NREP: variants seen among roughly 807,000 people sequenced by gnomAD.
NREP encodes neuronal regeneration-related protein.
Under a neutral mutation model 8.6 loss-of-function variants are expected in NREP, and 5 were observed. The ratio of observed to expected loss-of-function variants is 0.58; its 90% CI spans 0.30 to 1.22. The LOEUF (loss-of-function observed/expected upper bound fraction) is 1.22. Among genes scored for constraint, NREP ranks in the 50% most tolerant of loss-of-function variants. NREP has a pLI of 0.07. For synonymous variants in NREP, 27 were observed against 28.0 expected, an observed-to-expected ratio of 0.96 and a Z score of 0.11; for missense variants, 86 against 82.5, an observed-to-expected ratio of 1.04 and a Z score of -0.17.
chr5:111,974,834 C>T (rs1219535545), intron 2 of NREP, among the ~76,000 whole-genome samples: 2 of 152,308 alleles, frequency 1.3e-5, no homozygotes, highest in East Asian at 3.9e-4. Context: ...AACTGAGTAG[C>T]TACAATGTTT....
intron 2 of NREP, among the ~76,000 whole-genome samples, chr5:111,903,054 A>AT (rs1754685402): frequency 8.1e-6 from 1 of 123,920 alleles, no homozygotes; most frequent in Non-Finnish European, 1.8e-5. Context: ...TTTTAATTCT[A>AT]TTTTCCATGA....
intron 1 of NREP, 129 bp from the exon 2 acceptor site, chr5:111,755,959 G>A: frequency 6.8e-7 from 1 of 1,461,010 alleles, no homozygotes; most frequent in African/African-American, 1.4e-5. Context: ...GCAAATTATT[G>A]TTAACTACTG....
At chr5:111,892,742 A>G (rs1251525728) in intron 2 of NREP, among the ~76,000 whole-genome samples, 3 of 152,152 alleles carry the variant, frequency 2.0e-5, no homozygotes, top group African/African-American at 7.2e-5. Context: ...TGTATTAACA[A>G]AACCACCCAG....
At chr5:111,831,086 A>G (rs578158909) in intron 2 of NREP, among the ~76,000 whole-genome samples, 2 of 152,286 alleles carry the variant, frequency 1.3e-5, no homozygotes, top group African/African-American at 2.4e-5. Context: ...AATGACCTCT[A>G]CAAGCTACAA....
At chr5:111,962,381 C>G (rs576139093) in intron 2 of NREP, among the ~76,000 whole-genome samples, 1 of 152,038 alleles carries the variant, frequency 6.6e-6, no homozygotes, top group Non-Finnish European at 1.5e-5. Flanking sequence ...ATCCCAAACC[C>G]CCATTCATCT....
chr5:111,783,888 A>G (rs1313564361), intron 2 of NREP, among the ~76,000 whole-genome samples: 1 of 152,234 alleles, frequency 6.6e-6, no homozygotes, highest in African/African-American at 2.4e-5. Flanking sequence ...GACCCTATGC[A>G]TATAGAAAAT....
At chr5:111,872,239 A>G (rs1753808106) in intron 2 of NREP, among the ~76,000 whole-genome samples, 1 of 152,034 alleles carries the variant, frequency 6.6e-6, no homozygotes, top group Non-Finnish European at 1.5e-5. Context: ...AGGAAGAGGT[A>G]ATGTTTCACT....
intron 2 of NREP, among the ~76,000 whole-genome samples, chr5:111,833,166 G>A (rs1466464858): frequency 6.6e-6 from 1 of 152,150 alleles, no homozygotes; most frequent in Admixed American, 6.6e-5. Flanking sequence ...TATACATCAC[G>A]TAGCCCTCAG....
intron 2 of NREP, among the ~76,000 whole-genome samples, chr5:111,754,445 C>T (rs1205820286): frequency 2.0e-5 from 3 of 152,124 alleles, no homozygotes; most frequent in South Asian, 2.1e-4. Context: ...AAGTAGGTAA[C>T]GTTCTGAGAT....
intron 2 of NREP, among the ~76,000 whole-genome samples, chr5:111,735,708 G>T (rs554602266): frequency 3.3e-5 from 5 of 152,164 alleles, no homozygotes; most frequent in African/African-American, 1.2e-4. Flanking sequence ...GTTTCAGCTC[G>T]ATGTCTTCCA....
At chr5:111,802,612 A>C (rs560586447) in intron 2 of NREP, among the ~76,000 whole-genome samples, 86 of 152,348 alleles carry the variant, frequency 5.6e-4, no homozygotes, top group Non-Finnish European at 9.1e-4. Flanking sequence ...AACTGATGGC[A>C]TGAAAAATGT....
At chr5:111,933,958 G>A (rs1340064937) in intron 2 of NREP, among the ~76,000 whole-genome samples, 1 of 152,078 alleles carries the variant, frequency 6.6e-6, no homozygotes, top group African/African-American at 2.4e-5. Flanking sequence ...TATAAAGAAG[G>A]TGACTTTATT....
chr5:111,881,480 T>G (rs1239613928), intron 2 of NREP, among the ~76,000 whole-genome samples: 2 of 152,150 alleles, frequency 1.3e-5, no homozygotes, highest in Admixed American at 1.3e-4. Flanking sequence ...AGAGCAGTGG[T>G]TCTCCCAGAA....
chr5:111,799,385 C>G (rs1449787336), intron 2 of NREP, among the ~76,000 whole-genome samples: 1 of 152,138 alleles, frequency 6.6e-6, no homozygotes, highest in Non-Finnish European at 1.5e-5. Context: ...AATATTGATT[C>G]TACCCACCCA....
chr5:111,742,709 CA>C (rs1198555371), intron 2 of NREP, among the ~76,000 whole-genome samples: 3 of 152,076 alleles, frequency 2.0e-5, no homozygotes, highest in Non-Finnish European at 2.9e-5. Flanking sequence ...AGGCCAGGTG[CA>C]GCAACAGCCA....
At chr5:111,867,952 A>C (rs188299625) in intron 2 of NREP, among the ~76,000 whole-genome samples, 12 of 152,084 alleles carry the variant, frequency 7.9e-5, no homozygotes, top group Non-Finnish European at 1.8e-4. Context: ...TATAATTCCA[A>C]AAAGAATCCC....
intron 2 of NREP, among the ~76,000 whole-genome samples, chr5:111,892,612 GA>G (rs1411922687): frequency 6.7e-6 from 1 of 149,072 alleles, no homozygotes; most frequent in Non-Finnish European, 1.5e-5. Flanking sequence ...TATATTTTTG[GA>G]AAAAAAACCC....
chr5:111,839,909 A>C lies in NREP; in HGVS notation c.136-104402T>G, dbSNP rs540991814. ...GGTTAGTTACTATTAACTCCATTTT[A>C]CAGAGTAGGAGTGTGGCAGACACTT... On this transcript the variant is annotated intron_variant, in intron 2 of 3. Transcript: ENST00000395634. 1.6e-3 allele frequency among the ~76,000 whole-genome samples: 245 copies of C among 152,146 alleles called. 1 individual carries two copies. The highest frequency in any genetic ancestry group is 5.7e-3 in the African/African-American group (235 of 41,552).
intron 2 of NREP, chr5:111,940,066 A>G (rs533455502): frequency 1.3e-3 from 193 of 152,200 alleles, no homozygotes; most frequent in African/African-American, 4.5e-3. Context: ...AATCAAGTGT[A>G]CATCCCAATC....
Sources: allele counts gnomAD v4.1 joint callset (sites outside exome capture counted in the v4.1 genomes callset), GRCh38; gene constraint gnomAD v4.1.1; transcripts MANE v1.5; gene names NCBI Gene and HGNC (gene_info 2026-07-23, HGNC 2026-07-21).